The following CERT1 variants were observed in gnomAD, a reference collection of about 807,000 sequenced individuals.
The protein encoded by CERT1 is ceramide transfer protein.
CERT1 carries 31 observed loss-of-function variants against 87.9 expected under a neutral mutation model. That is an observed-to-expected ratio of 0.35 (90% confidence interval 0.27 to 0.48). The LOEUF (loss-of-function observed/expected upper bound fraction) is 0.48. Among genes scored for constraint, CERT1 ranks in the 20% least tolerant of loss-of-function variants. The pLI is 0.99. For missense variants in CERT1, 487 were observed against 758.0 expected, an observed-to-expected ratio of 0.64 and a Z score of 4.20; for synonymous variants, 289 against 250.9, an observed-to-expected ratio of 1.15 and a Z score of -1.44.
At chr5:75,487,213 A>G (rs763936087) in intron 2 of CERT1, among the ~76,000 whole-genome samples, 2 of 152,126 alleles carry the variant, frequency 1.3e-5, no homozygotes, top group Non-Finnish European at 2.9e-5. Flanking sequence ...GAAAAGTGCC[A>G]AGAACATACA....
At chr5:75,440,284 T>C (rs1764265765) in intron 3 of CERT1, among the ~76,000 whole-genome samples, 1 of 152,032 alleles carries the variant, frequency 6.6e-6, no homozygotes, top group South Asian at 2.1e-4. Flanking sequence ...TCTAATAGTA[T>C]TAAACAGGAT....
intron 3 of CERT1, among the ~76,000 whole-genome samples, chr5:75,444,472 T>C (rs974160297): frequency 6.6e-6 from 1 of 152,180 alleles, no homozygotes; most frequent in Non-Finnish European, 1.5e-5. Flanking sequence ...TCTATGTGCC[T>C]TATTAGTATT....
At position 75,403,023 on chromosome 5, in the gene CERT1, G is replaced by T; in HGVS notation, c.966C>A (p.Phe322Leu). 6.2e-7 allele frequency: 1 copy of T among 1,613,200 alleles called. No homozygotes were observed. The highest frequency in any genetic ancestry group is 8.5e-7 in the Non-Finnish European group (1 of 1,179,318). The change falls in exon 9 of 17, where the codon TTC becomes TTA. Residue 322 changes from phenylalanine to leucine, a missense_variant. Phe to Leu is a conservative substitution (Grantham distance 22). Transcript: ENST00000643780. Reference protein sequence around the residue: ...GPNSLINEEEFFDAVEAALDR... With the variant: ...GPNSLINEEELFDAVEAALDR... ...CAAGAGCAGCTTCAACAGCATCAAA[G>T]AACTCTTCTTCATTAATCAGACTGT...
intron 2 of CERT1, among the ~76,000 whole-genome samples, chr5:75,471,532 A>G (rs1765707955): frequency 6.6e-6 from 1 of 151,964 alleles, no homozygotes; most frequent in Non-Finnish European, 1.5e-5. Context: ...AGGCTGAGGC[A>G]GGCAGATCAT....
intron 2 of CERT1, among the ~76,000 whole-genome samples, chr5:75,498,060 ACT>A (rs1240294382): frequency 6.6e-6 from 1 of 151,966 alleles, no homozygotes; most frequent in Non-Finnish European, 1.5e-5. Flanking sequence ...AGCAAAGGTG[ACT>A]CTTGTTATGC....
At chr5:75,381,802 A>C in intron 15 of CERT1, 147 bp downstream of exon 15, 2 of 747,122 alleles carry the variant, frequency 2.7e-6, no homozygotes, top group Non-Finnish European at 2.2e-6. Flanking sequence ...CATGGGCTAT[A>C]CTGTTCCTAG....
chr5:75,448,267 G>A (rs995866976), intron 3 of CERT1, among the ~76,000 whole-genome samples: 3 of 152,060 alleles, frequency 2.0e-5, no homozygotes, highest in Non-Finnish European at 4.4e-5. Context: ...AGAACAAGGG[G>A]CTAAGAACTG....
chr5:75,429,719 C>T (rs1439645860), intron 3 of CERT1, among the ~76,000 whole-genome samples: 1 of 151,794 alleles, frequency 6.6e-6, no homozygotes, highest in African/African-American at 2.4e-5. Context: ...AATAGCCTGC[C>T]GTCCTCTATA....
At chr5:75,477,647 T>TAAAAAAAAAAAAAA (rs540588442) in intron 2 of CERT1, among the ~76,000 whole-genome samples, 2 of 89,520 alleles carry the variant, frequency 2.2e-5, no homozygotes, top group African/African-American at 4.3e-5. Flanking sequence ...TAATAAGTTG[T>TAAAAAAAAAAAAAA]AAAAAAAAAA....
chr5:75,397,973 C>T (rs1181514219), intron 11 of CERT1, among the ~76,000 whole-genome samples: 4 of 152,048 alleles, frequency 2.6e-5, no homozygotes, highest in East Asian at 3.9e-4. Context: ...GAGCCCAGAT[C>T]GTGCCACTGC....
At chr5:75,449,271 G>C (rs1764680676) in intron 3 of CERT1, among the ~76,000 whole-genome samples, 1 of 152,120 alleles carries the variant, frequency 6.6e-6, no homozygotes, top group South Asian at 2.1e-4. Context: ...CAAAAGTTAT[G>C]AATAAACAGG....
intron 3 of CERT1, 39 bp downstream of exon 3, chr5:75,459,026 C>G (rs775595627): frequency 8.6e-7 from 1 of 1,166,180 alleles, no homozygotes; most frequent in Admixed American, 1.8e-5. Flanking sequence ...CAATCTCTTA[C>G]CTAGTCCTCC....
chr5:75,370,155 G>T (rs1403654370), intron 17 of CERT1: 2 of 152,200 alleles, frequency 1.3e-5, no homozygotes, highest in Non-Finnish European at 2.9e-5. Flanking sequence ...ACACAAGTCA[G>T]ATTTTCCCTC....
At chr5:75,416,629 C>G (rs530459603) in intron 7 of CERT1, among the ~76,000 whole-genome samples, 1 of 152,244 alleles carries the variant, frequency 6.6e-6, no homozygotes, top group African/African-American at 2.4e-5. Flanking sequence ...GCATTACTAA[C>G]ATCATCACAA....
chr5:75,458,996 T>C (rs937186545), intron 3 of CERT1, 69 bp downstream of exon 3: 17 of 830,196 alleles, frequency 2.0e-5, no homozygotes, highest in Non-Finnish European at 2.6e-5. Flanking sequence ...ATGTCAACTT[T>C]TTTTTTAAGG....
intron 11 of CERT1, among the ~76,000 whole-genome samples, chr5:75,392,773 T>C (rs972844997): frequency 6.6e-6 from 1 of 151,438 alleles, no homozygotes; most frequent in African/African-American, 2.4e-5. Flanking sequence ...TTCGAGACCA[T>C]CCTGCCTAAC....
chr5:75,443,102 T>C (rs1383821016), intron 3 of CERT1, among the ~76,000 whole-genome samples: 1 of 152,168 alleles, frequency 6.6e-6, no homozygotes, highest in African/African-American at 2.4e-5. Context: ...ATTTGAATGT[T>C]CTTTTTTCCT....
chr5:75,409,598 C>T (rs1762846640), intron 8 of CERT1, among the ~76,000 whole-genome samples: 2 of 152,178 alleles, frequency 1.3e-5, no homozygotes, highest in Non-Finnish European at 2.9e-5. Context: ...ACGATCTCAG[C>T]TCACTGCAAC....
intron 2 of CERT1, among the ~76,000 whole-genome samples, chr5:75,478,956 A>G (rs1266783386): frequency 6.8e-6 from 1 of 147,800 alleles, no homozygotes; most frequent in East Asian, 2.0e-4. Context: ...CGCGTTTGTC[A>G]AAAGGACCAA....
Sources: gnomAD v4.1 joint callset for allele counts (sites outside exome capture counted in the v4.1 genomes callset) on GRCh38, gnomAD v4.1.1 for gene constraint, MANE v1.5 for transcripts, NCBI Gene and HGNC (gene_info 2026-07-23, HGNC 2026-07-21) for gene names.